Variants in RABGAP1 observed in about 807,000 individuals in gnomAD.
The protein encoded by RABGAP1 is RAB GTPase activating protein 1, also known as rab GTPase-activating protein 1.
In RABGAP1, 23 loss-of-function variants were observed where a neutral mutation model predicts 137.6. The observed-to-expected ratio is 0.17, with a 90% CI of 0.12 to 0.24. The LOEUF (loss-of-function observed/expected upper bound fraction) is 0.24, where lower values mean the gene tolerates loss of function less well. RABGAP1 is among the 10% of genes least tolerant of loss of function. The pLI is 1.00. For synonymous variants in RABGAP1, 451 were observed against 450.7 expected (o/e 1.00, Z -0.01); for missense variants, 906 against 1,275.8 (o/e 0.71, Z 4.42).
rs10283469 is a variant in RABGAP1 at position 122,952,492 on chromosome 9, T to A, written c.-49-4519T>A. Reference sequence around the variant, plus strand: ...ACCGTGTTAGCCAGGATGGTCTTGATCTCCTGATCTCGTGATCTGCCCGCC... The same window carrying A: ...ACCGTGTTAGCCAGGATGGTCTTGAACTCCTGATCTCGTGATCTGCCCGCC... On this transcript the variant is annotated intron_variant, in intron 1 of 25. Transcript: ENST00000373647. Among the ~76,000 whole-genome samples, 13 of 152,150 alleles carry A rather than the reference T, an allele frequency of 8.5e-5. No individual in the cohort carries two copies. The South Asian group carries it at 2.7e-3, about 32-fold the overall frequency.
At chr9:122,943,705 G>A (rs1833752567) in intron 1 of RABGAP1, among the ~76,000 whole-genome samples, 1 of 152,142 alleles carries the variant, frequency 6.6e-6, no homozygotes, top group African/African-American at 2.4e-5. Flanking sequence ...TGTAATCCCA[G>A]CACTTTGGGA....
In RABGAP1 at chr9:122,993,428, C is replaced by T. The variant is rs143880224; in HGVS notation, c.924-2613C>T. 9.1e-3 allele frequency among the ~76,000 whole-genome samples: 1,391 copies of T among 152,212 alleles called. 22 individuals are homozygous for T. Among genetic ancestry groups the T allele is most frequent in the African/African-American group, 0.031 (1,294 of 41,516 alleles). ...CTGGAATTATAGGTGCCCACCGCCA[C>T]GCCTGGCTACTTTTTGTACTTTTAG... On this transcript the variant is annotated intron_variant, in intron 6 of 25. Transcript: ENST00000373647.
intron 19 of RABGAP1, among the ~76,000 whole-genome samples, chr9:123,081,307 C>T (rs1407208566): frequency 1.3e-5 from 2 of 152,180 alleles, no homozygotes; most frequent in Non-Finnish European, 2.9e-5. Flanking sequence ...TTCAGGTGCG[C>T]AGGGCGTCAG....
chr9:123,010,363 A>G lies in RABGAP1; in HGVS notation c.1384A>G (p.Arg462Gly). ...FFLKLKQIKQ[R>G]ERKNNTDTLY... ...TTTTTTCATCTTCAAGATAAAGCAA[A>G]GGGAGAGAAAGAATAATACTGACAC... The change falls in exon 11 of 26, where the codon AGG (arginine) becomes GGG (glycine). Residue 462 changes from arginine (R) to glycine (G), a missense_variant. By Grantham distance (125) the Arg-to-Gly change is moderately radical. This residue lies in a region of RABGAP1 where 212 missense variants were observed against 289.4 expected (regional missense o/e 0.73). Transcript: ENST00000373647. 6.2e-7 allele frequency: 1 copy of G among 1,609,296 alleles called. No individual in the cohort carries two copies. The highest frequency in any genetic ancestry group is 1.1e-5 in the South Asian group (1 of 90,262).
At chr9:123,089,678 A>G in intron 19 of RABGAP1, 80 bp from the exon 20 acceptor site, 1 of 1,071,372 alleles carries the variant, frequency 9.3e-7, no homozygotes, top group South Asian at 1.4e-5. Context: ...GGCCACCAGA[A>G]GTCTTGGTCT....
chr9:123,028,944 ATAACT>A (rs547966280), intron 13 of RABGAP1, among the ~76,000 whole-genome samples: 37 of 152,328 alleles, frequency 2.4e-4, no homozygotes, highest in Middle Eastern at 3.4e-3. Context: ...CTAAGTGTAA[ATAACT>A]TAATATTATA....
At chr9:123,005,724 T>C (rs753283493) in intron 10 of RABGAP1, among the ~76,000 whole-genome samples, 1 of 152,226 alleles carries the variant, frequency 6.6e-6, no homozygotes, top group Non-Finnish European at 1.5e-5. Flanking sequence ...CAGTGTGGAA[T>C]CTTATGTATG....
chr9:122,946,543 G>A (rs1422257392), intron 1 of RABGAP1, among the ~76,000 whole-genome samples: 1 of 152,132 alleles, frequency 6.6e-6, no homozygotes, highest in Non-Finnish European at 1.5e-5. Flanking sequence ...TTTAAAATCT[G>A]TACTAGCAAG....
chr9:123,003,905 G>C (rs1202795457), intron 10 of RABGAP1, among the ~76,000 whole-genome samples: 1 of 152,134 alleles, frequency 6.6e-6, no homozygotes, highest in Non-Finnish European at 1.5e-5. Flanking sequence ...TAAACTATAG[G>C]GGTCTTAAAA....
At chr9:122,970,068 C>T (rs1282794648) in intron 2 of RABGAP1, among the ~76,000 whole-genome samples, 5 of 129,124 alleles carry the variant, frequency 3.9e-5, no homozygotes, top group Admixed American at 1.8e-4. Context: ...CCACCATATC[C>T]GGCTAATTTT....
intron 2 of RABGAP1, among the ~76,000 whole-genome samples, chr9:122,962,338 A>G (rs1037439633): frequency 6.6e-6 from 1 of 151,930 alleles, no homozygotes; most frequent in African/African-American, 2.4e-5. Flanking sequence ...GTAAAACCCC[A>G]TCTCTACAAA....
At chr9:123,032,687 A>G (rs2032369369) in intron 13 of RABGAP1, among the ~76,000 whole-genome samples, 1 of 152,154 alleles carries the variant, frequency 6.6e-6, no homozygotes, top group Admixed American at 6.5e-5. Context: ...ATTCTGCTGG[A>G]TACTTTCAAT....
At chr9:123,036,866 ATTC>A (rs2032691296) in intron 13 of RABGAP1, among the ~76,000 whole-genome samples, 1 of 151,824 alleles carries the variant, frequency 6.6e-6, no homozygotes, top group Non-Finnish European at 1.5e-5. Flanking sequence ...GGATTTTATA[ATTC>A]TTCTATAGAA....
chr9:123,048,280 C>A (rs2033309374), intron 13 of RABGAP1, among the ~76,000 whole-genome samples: 1 of 152,134 alleles, frequency 6.6e-6, no homozygotes, highest in South Asian at 2.1e-4. Flanking sequence ...ACATTTAAAT[C>A]TCTGATTTGT....
intron 13 of RABGAP1, among the ~76,000 whole-genome samples, chr9:123,037,050 T>G (rs2032702025): frequency 6.6e-6 from 1 of 152,176 alleles, no homozygotes. Context: ...GTTCTGGAAG[T>G]CTTCAAGGGA....
At position 122,984,421 on chromosome 9, in the gene RABGAP1, C is replaced by A. The variant is rs2131743744; in HGVS notation, c.151-64C>A. ...TAATGATTTTCTTTAGAATGTGAAC[C>A]CATTTTAATCAATACTGGCCAATCT... On this transcript the variant is annotated intron_variant, in intron 2 of 25. Transcript: ENST00000373647. 4 of 1,298,426 alleles carry A rather than the reference C, an allele frequency of 3.1e-6. No homozygotes were observed. The East Asian group carries it at 7.3e-5, about 24-fold the overall frequency. 80.4% of individuals were successfully genotyped at this position (1,298,426 alleles called of 1,614,324 possible).
intron 13 of RABGAP1, among the ~76,000 whole-genome samples, chr9:123,055,867 T>C (rs574325900): frequency 1.3e-5 from 2 of 152,182 alleles, no homozygotes; most frequent in South Asian, 2.1e-4. Flanking sequence ...TTTATACTTA[T>C]ATAACCCAGT....
At chr9:123,066,200 C>T (rs2034166377) in intron 14 of RABGAP1, among the ~76,000 whole-genome samples, 1 of 152,180 alleles carries the variant, frequency 6.6e-6, no homozygotes, top group African/African-American at 2.4e-5. Context: ...AAAGGATAGG[C>T]TCGCCAATGA....
chr9:123,055,499 T>C (rs940497638), intron 13 of RABGAP1, among the ~76,000 whole-genome samples: 1 of 151,830 alleles, frequency 6.6e-6, no homozygotes, highest in South Asian at 2.1e-4. Context: ...CCTAAAGTGC[T>C]GGAATTACAG....
Sources: gnomAD v4.1 joint callset for allele counts (sites outside exome capture counted in the v4.1 genomes callset) on GRCh38, gnomAD v4.1.1 for gene constraint, gnomAD v4.1.1 regional missense constraint, MANE v1.5 for transcripts, NCBI Gene and HGNC (gene_info 2026-07-23, HGNC 2026-07-21) for gene names.